Variants in KLRG2 observed in about 807,000 individuals in gnomAD.
The protein encoded by KLRG2 is killer cell lectin like receptor G2, also known as killer cell lectin-like receptor subfamily G member 2.
Under a neutral mutation model 35.4 loss-of-function variants are expected in KLRG2, and 39 were observed. The observed-to-expected ratio is 1.10, with a 90% CI of 0.85 to 1.44. The LOEUF (loss-of-function observed/expected upper bound fraction) is 1.44. KLRG2 is among the 40% of genes most tolerant of loss of function. The probability of loss-of-function intolerance (pLI) is 0.00; values close to 1 mark genes in which losing one functional copy is unlikely to be tolerated. For missense variants in KLRG2, 632 were observed against 570.9 expected (o/e 1.11, Z -1.09); for synonymous variants, 283 against 265.8 (o/e 1.06, Z -0.63).
At chr7:139,429,628 A>G in the KLRG2 span, among the ~76,000 whole-genome samples, 13 of 151,858 alleles carry the variant, frequency 8.6e-5, no homozygotes, top group Admixed American at 1.3e-4. Flanking sequence ...ATCTTGCACC[A>G]CCCTTAATCC....
At chr7:139,478,595 G>A (rs1319951819) in intron 3 of KLRG2, among the ~76,000 whole-genome samples, 18 of 151,468 alleles carry the variant, frequency 1.2e-4, no homozygotes, top group Non-Finnish European at 1.8e-4. Flanking sequence ...CCTTCAACCC[G>A]GGAGGTGAAG....
rs571544448 is a variant in KLRG2, at chr7:139,466,579, C to T, written c.1006-12365G>A. On this transcript the variant is annotated intron_variant, in intron 3 of 4. Coordinates refer to ENST00000340940, the MANE Select transcript of KLRG2 (RefSeq NM_198508.4). ...TTATACTCACTCTTACTCTTGTTCC[C>T]GTTCTTATGCCACGCTCTACCTCTC... is the stretch of plus-strand genomic sequence containing the variant. 4.6e-5 allele frequency among the ~76,000 whole-genome samples: 7 copies of T among 152,144 alleles called. No individual in the cohort carries two copies. The East Asian group carries it at 9.7e-4, about 21-fold the overall frequency.
the KLRG2 span, among the ~76,000 whole-genome samples, chr7:139,432,073 T>G: frequency 2.4e-4 from 36 of 151,802 alleles, no homozygotes; most frequent in Non-Finnish European, 4.4e-5. Flanking sequence ...AAGTCAGTCC[T>G]GACCAGGCAC....
intron 3 of KLRG2, among the ~76,000 whole-genome samples, chr7:139,470,350 G>A (rs905913335): frequency 2.6e-5 from 4 of 152,102 alleles, no homozygotes; most frequent in Admixed American, 6.5e-5. Context: ...GAGCCACTGC[G>A]CCCGGCTATG....
the KLRG2 span, among the ~76,000 whole-genome samples, chr7:139,445,046 G>A: frequency 6.6e-6 from 1 of 151,494 alleles, no homozygotes; most frequent in African/African-American, 2.4e-5. Context: ...CCACTAAGGG[G>A]AATTAAGCAT....
At position 139,473,028 on chromosome 7, in the gene KLRG2, T is replaced by A. The variant is rs565093170; in HGVS notation, c.1005+6599A>T. Among the ~76,000 whole-genome samples, 5 of 152,308 alleles carry A rather than the reference T, an allele frequency of 3.3e-5. No individual in the cohort carries two copies. In the South Asian group the frequency reaches 1.0e-3, roughly 32 times the overall value. On this transcript the variant is annotated intron_variant, in intron 3 of 4. Transcript: ENST00000340940. ...GGGATGCGGTGGCTCGCGCCTGTAA[T>A]CCCAGTACTTTGGGAGGCCGAGGTG...
chr7:139,472,712 G>A (rs943596644), intron 3 of KLRG2, among the ~76,000 whole-genome samples: 2 of 152,182 alleles, frequency 1.3e-5, no homozygotes, highest in African/African-American at 4.8e-5. Context: ...CAGATAGACA[G>A]CTGGGAGAAA....
At chr7:139,442,008 G>A in the KLRG2 span, among the ~76,000 whole-genome samples, 1 of 152,224 alleles carries the variant, frequency 6.6e-6, no homozygotes, top group African/African-American at 2.4e-5. Context: ...AGCCATGAAA[G>A]TATGAGGAAG....
chr7:139,455,705 G>A (rs7801031), intron 3 of KLRG2, among the ~76,000 whole-genome samples: 40,899 of 152,092 alleles, frequency 0.27, 6,029 homozygotes, highest in African/African-American at 0.39. Flanking sequence ...ATGCCGGCAC[G>A]GCCCGCATCA....
At chr7:139,469,202 C>A (rs188080788) in intron 3 of KLRG2, among the ~76,000 whole-genome samples, 2 of 152,236 alleles carry the variant, frequency 1.3e-5, no homozygotes, top group African/African-American at 4.8e-5. Context: ...CGCTGTCACC[C>A]AGGCTGGAGT....
chr7:139,434,950 T>A, the KLRG2 span, among the ~76,000 whole-genome samples: 1 of 152,300 alleles, frequency 6.6e-6, no homozygotes, highest in African/African-American at 2.4e-5. Flanking sequence ...AATAAATCTA[T>A]AAGCTAGAAG....
At chr7:139,447,136 C>T in the KLRG2 span, among the ~76,000 whole-genome samples, 2 of 152,050 alleles carry the variant, frequency 1.3e-5, no homozygotes, top group South Asian at 2.1e-4. Flanking sequence ...GTCAGCATAA[C>T]GTTAAAACCC....
the KLRG2 span, among the ~76,000 whole-genome samples, chr7:139,443,440 ATGACT>A: frequency 6.6e-6 from 1 of 152,206 alleles, no homozygotes; most frequent in African/African-American, 2.4e-5. Context: ...TAAAAATAAA[ATGACT>A]TGATCAACAT....
At chr7:139,442,231 AAGG>A in the KLRG2 span, among the ~76,000 whole-genome samples, 7 of 152,124 alleles carry the variant, frequency 4.6e-5, no homozygotes, top group Non-Finnish European at 7.4e-5. Context: ...GCCTTGTTTG[AAGG>A]AAGGAATCTG....
intron 3 of KLRG2, among the ~76,000 whole-genome samples, chr7:139,455,441 C>A (rs1019325754): frequency 6.6e-6 from 1 of 151,782 alleles, no homozygotes; most frequent in Non-Finnish European, 1.5e-5. Context: ...CCTGCCTCAG[C>A]CTCCCGAGTA....
the KLRG2 span, among the ~76,000 whole-genome samples, chr7:139,444,205 C>T: frequency 6.6e-6 from 1 of 152,276 alleles, no homozygotes; most frequent in East Asian, 1.9e-4. Flanking sequence ...TCTTCCAGTC[C>T]ACTGACTCAA....
chr7:139,436,780 G>A, the KLRG2 span, among the ~76,000 whole-genome samples: 1 of 152,190 alleles, frequency 6.6e-6, no homozygotes, highest in Non-Finnish European at 1.5e-5. Flanking sequence ...TAATGTACTG[G>A]GTCATTGTGG....
At chr7:139,448,500 A>G (rs145079220), downstream of KLRG2, among the ~76,000 whole-genome samples, 881 of 152,310 alleles carry the variant, frequency 5.8e-3, 9 homozygotes, top group African/African-American at 0.02. Context: ...GTATTTGTGT[A>G]TCTAACATAG....
intron 3 of KLRG2, among the ~76,000 whole-genome samples, chr7:139,461,401 T>G (rs1796564411): frequency 6.6e-6 from 1 of 152,340 alleles, no homozygotes; most frequent in African/African-American, 2.4e-5. Context: ...ACAAGATTCC[T>G]TATCGATGAA....
Sources: gnomAD v4.1 joint callset for allele counts (sites outside exome capture counted in the v4.1 genomes callset) on GRCh38, gnomAD v4.1.1 for gene constraint, MANE v1.5 for transcripts, NCBI Gene and HGNC (gene_info 2026-07-23, HGNC 2026-07-21) for gene names.